ZMYM3: variants seen among roughly 807,000 people sequenced by gnomAD.
ZMYM3 encodes zinc finger MYM-type containing 3, also known as zinc finger MYM-type protein 3.
In ZMYM3, 6 loss-of-function variants were observed where a neutral mutation model predicts 94.2. The observed-to-expected ratio is 0.06, with a 90% CI of 0.03 to 0.13. ZMYM3 has a LOEUF of 0.13. ZMYM3 is among the 10% of genes least tolerant of loss of function. The pLI, the probability that ZMYM3 is intolerant of heterozygous loss-of-function variation, is 1.00. For missense variants in ZMYM3, 664 were observed against 1,132.6 expected (o/e 0.59, Z 5.94); for synonymous variants, 420 against 426.5 (o/e 0.98, Z 0.19).
chrX:71,247,734 C>T lies in ZMYM3; in HGVS notation c.2148G>A (p.Lys716=). The change falls in exon 12 of 25, where the codon AAG becomes AAA. Residue 716 remains lysine, a splice_region_variant and synonymous_variant. Coordinates refer to ENST00000314425, the MANE Select transcript of ZMYM3 (RefSeq NM_201599.3). ...TCGCTCGCATGCTGACCCTCCTTAC[C>T]TTGCAGTACCACAGCAGGTACTTGC... ...CKSKYLLWYC[K]AARCHACKRQ... 8.3e-7 allele frequency: 1 copy of T among 1,208,498 alleles called. No individual in the cohort carries two copies. Among genetic ancestry groups the T allele is most frequent in the East Asian group, 3.0e-5 (1 of 33,818 alleles).
chrX:71,251,480 T>C (rs751234955), intron 3 of ZMYM3, 78 bp downstream of exon 3: 34 of 1,112,662 alleles, frequency 3.1e-5, no homozygotes, highest in Non-Finnish European at 3.8e-5. Context: ...CAGAACAACA[T>C]CTGGGAGGGA....
rs1242268581 is a variant in ZMYM3 at position 71,251,552 on chromosome X, C to T, written c.711+6G>A. 1 of 1,187,934 alleles carries T rather than the reference C, an allele frequency of 8.4e-7. No individual in the cohort carries two copies. Among genetic ancestry groups the T allele is most frequent in the Non-Finnish European group, 1.1e-6 (1 of 884,373 alleles). ...ACCAGACTCCTTCCAATCCCCTCCC[C>T]CTCACCCGTTCAGGCGGCTTCTCAC... On this transcript the variant is annotated splice_donor_region_variant and intron_variant, in intron 3 of 24. Coordinates refer to ENST00000314425, the MANE Select transcript of ZMYM3 (RefSeq NM_201599.3).
In ZMYM3 at chrX:71,247,358, C is replaced by T. The variant is rs2030226012; in HGVS notation, c.2301G>A (p.Glu767=). The change falls in exon 13 of 25, where the codon GAG becomes GAA. Residue 767 remains glutamate (E), a synonymous_variant. Coordinates refer to ENST00000314425, the MANE Select transcript of ZMYM3 (RefSeq NM_201599.3). ...CCTGGGACTCACTGTTCAGGAGGCT[C>T]TCGGGCCCACTCTGGGTATCCAGGT... ...QPNLDTQSGP[E]SLLNSQSPES... 8.4e-7 allele frequency: 1 copy of T among 1,191,575 alleles called. No homozygotes were observed. The highest frequency in any genetic ancestry group is 1.8e-5 in the African/African-American group (1 of 56,841).
rs988003844 is a variant in ZMYM3 at position 71,252,281 on chromosome X, T to G, written c.667+308A>C. Among the ~76,000 whole-genome samples, 3 of 111,122 alleles carry G rather than the reference T, an allele frequency of 2.7e-5. No homozygotes were observed. The East Asian group carries it at 8.4e-4, about 31-fold the overall frequency. On this transcript the variant is annotated intron_variant, in intron 2 of 24. Coordinates refer to ENST00000314425, the MANE Select transcript of ZMYM3 (RefSeq NM_201599.3). ...CTCCCCCAAATCCTGAAGGAAGGACTCTGGCACCAAAAGCCCACTGGGGTA... is the reference window on the plus strand; with the variant it reads ...CTCCCCCAAATCCTGAAGGAAGGACGCTGGCACCAAAAGCCCACTGGGGTA...
chrX:71,245,489 G>C lies in ZMYM3; in HGVS notation c.2861-4C>G. On this transcript the variant is annotated splice_polypyrimidine_tract_variant and splice_region_variant and intron_variant, in intron 17 of 24. Coordinates refer to ENST00000314425, the MANE Select transcript of ZMYM3 (RefSeq NM_201599.3). ...GCACTCTGGTTGCTCACAAGATCTG[G>C]GAAGCAGAGAAGTTGGCTCAGTGGT... The C allele has an allele frequency of 8.3e-7, 1 of 1,203,210 alleles. No homozygotes were observed. The highest frequency in any genetic ancestry group is 1.1e-6 in the Non-Finnish European group (1 of 891,336).
chrX:71,252,475 C>A, intron 2 of ZMYM3, 114 bp downstream of exon 2: 1 of 827,049 alleles, frequency 1.2e-6, no homozygotes, highest in Non-Finnish European at 1.6e-6. Flanking sequence ...CACACACATC[C>A]CTACACTTAT....
chrX:71,247,400 G>T lies in ZMYM3; in HGVS notation c.2259C>A (p.Ser753Arg). The change falls in exon 13 of 25, where the codon AGC (serine) becomes AGA (arginine). Residue 753 changes from serine (S) to arginine (R), a missense_variant. Physicochemically the swap from Ser to Arg is moderately radical, Grantham distance 110. Around this residue, in one of 9 missense-constraint regions of ZMYM3, gnomAD observed 159 missense variants for 313.0 expected, o/e 0.51. Coordinates refer to ENST00000314425, the MANE Select transcript of ZMYM3 (RefSeq NM_201599.3). ...CNQQCLLRFY[S>R]QQNQPNLDTQ... ...TATCCAGGTTGGGTTGGTTCTGCTG[G>T]CTATAGAAACGCAGAAGACACTGCT... 8.3e-7 allele frequency: 1 copy of T among 1,205,855 alleles called. No homozygotes were observed. The highest frequency in any genetic ancestry group is 1.1e-6 in the Non-Finnish European group (1 of 892,288).
intron 18 of ZMYM3, among the ~76,000 whole-genome samples, chrX:71,245,127 TAAAAAAAAA>T (rs5902685): frequency 2.3e-5 from 1 of 42,628 alleles, no homozygotes; most frequent in African/African-American, 8.6e-5. Context: ...GCTTAAAAAT[TAAAAAAAAA>T]AAAAAAAAAA....
At chrX:71,250,331 G>A (rs1344000320) in intron 5 of ZMYM3, 101 bp downstream of exon 5, 5 of 1,093,216 alleles carry the variant, frequency 4.6e-6, no homozygotes, top group Non-Finnish European at 6.0e-6. Flanking sequence ...TCACTCTCTC[G>A]CCCAGCTCCA....
At position 71,253,042 on chromosome X, in the gene ZMYM3, C is replaced by T. The variant is rs2030572111; in HGVS notation, c.214G>A (p.Val72Ile). The T allele has an allele frequency of 8.3e-7, 1 of 1,202,345 alleles. No individual in the cohort carries two copies. Among genetic ancestry groups the T allele is most frequent in the Non-Finnish European group, 1.1e-6 (1 of 890,473 alleles). Reference sequence around the variant, plus strand: ...AGCAACTCAGTGGCTCCATCCAGGACTCCAGGGTCTTTTTCCAGGCCAGCA... The same window carrying T: ...AGCAACTCAGTGGCTCCATCCAGGATTCCAGGGTCTTTTTCCAGGCCAGCA... Reference protein sequence around the residue: ...TPAGLEKDPGVLDGATELLGL... With the variant: ...TPAGLEKDPGILDGATELLGL... Residue 72 changes from valine (V) to isoleucine (I), a missense_variant, in exon 2 of 25, where the codon GTC (valine) becomes ATC (isoleucine). Physicochemically the swap from Val to Ile is conservative, Grantham distance 29 (BLOSUM62 3). Coordinates refer to ENST00000314425, the MANE Select transcript of ZMYM3 (RefSeq NM_201599.3).
In ZMYM3 at chrX:71,250,492, G is replaced by C; in HGVS notation, c.1013C>G (p.Ser338Cys). The change falls in exon 5 of 25, where the codon TCC becomes TGC. Residue 338 changes from serine to cysteine, a missense_variant. Around this residue, in one of 9 missense-constraint regions of ZMYM3, gnomAD observed 45 missense variants for 92.9 expected, o/e 0.48. Coordinates refer to ENST00000314425, the MANE Select transcript of ZMYM3 (RefSeq NM_201599.3). ...CTTCTTGGAGAAAGTGGTGAGGCAG[G>C]ATGACGAGCAGAAGAGCTGAGGCAG... ...KGLPQLFCSS[S>C]CLTTFSKKPS... The C allele has an allele frequency of 8.3e-7, 1 of 1,211,588 alleles. No homozygotes were observed. The highest frequency in any genetic ancestry group is 1.1e-6 in the Non-Finnish European group (1 of 895,394).
At chrX:71,245,895 G>T (rs1471740097) in intron 16 of ZMYM3, 53 bp from the exon 17 acceptor site, 1 of 1,188,978 alleles carries the variant, frequency 8.4e-7, no homozygotes, top group Non-Finnish European at 1.1e-6. Flanking sequence ...CAGTTGGGGG[G>T]AAGTTGGGGG....
chrX:71,245,506 C>T, intron 17 of ZMYM3, 21 bp from the exon 18 acceptor site: 1 of 1,195,187 alleles, frequency 8.4e-7, no homozygotes, highest in Non-Finnish European at 1.1e-6. Flanking sequence ...GAGAAGTTGG[C>T]TCAGTGGTTA....
chrX:71,245,127 T>TAAAAAAAAAAA (rs5902685), intron 18 of ZMYM3, among the ~76,000 whole-genome samples: 1 of 42,627 alleles, frequency 2.3e-5, no homozygotes. Context: ...GCTTAAAAAT[T>TAAAAAAAAAAA]AAAAAAAAAA....
At chrX:71,244,249 C>A in intron 20 of ZMYM3, 53 bp downstream of exon 20, 1 of 1,167,580 alleles carries the variant, frequency 8.6e-7, no homozygotes, top group Admixed American at 2.3e-5. Flanking sequence ...CTCCCCTTTC[C>A]CCTCCTCCTC....
intron 21 of ZMYM3, among the ~76,000 whole-genome samples, chrX:71,243,355 G>A (rs1209450279): frequency 9.0e-6 from 1 of 111,042 alleles, no homozygotes; most frequent in East Asian, 2.8e-4. Flanking sequence ...TCTCCCAGGG[G>A]GAACTAAACA....
chrX:71,243,155 C>T, intron 21 of ZMYM3, 71 bp from the exon 22 acceptor site: 2 of 888,686 alleles, frequency 2.3e-6, no homozygotes, highest in Non-Finnish European at 3.2e-6. Context: ...GATGCTGAAG[C>T]CCCCAGGTAT....
chrX:71,250,751 G>A (rs753998635), intron 4 of ZMYM3, 25 bp from the exon 5 acceptor site: 2 of 1,160,517 alleles, frequency 1.7e-6, no homozygotes, highest in South Asian at 2.0e-5. Flanking sequence ...GGATGGACAT[G>A]AGAAAGGCCA....
chrX:71,250,856 T>C, intron 4 of ZMYM3, 130 bp from the exon 5 acceptor site: 1 of 670,259 alleles, frequency 1.5e-6, no homozygotes, highest in South Asian at 2.9e-5. Flanking sequence ...CCTTGTTACA[T>C]CAGTATCTTA....
Sources: gnomAD v4.1 joint callset for allele counts (sites outside exome capture counted in the v4.1 genomes callset) on GRCh38, gnomAD v4.1.1 for gene constraint, gnomAD v4.1.1 regional missense constraint, MANE v1.5 for transcripts, NCBI Gene and HGNC (gene_info 2026-07-23, HGNC 2026-07-21) for gene names.